TNIK: variants seen among roughly 807,000 people sequenced by gnomAD.
The protein encoded by TNIK is TRAF2 and NCK-interacting protein kinase.
A neutral mutation model predicts 191.3 loss-of-function variants in TNIK; 49 were observed. That is an observed-to-expected ratio of 0.26 (90% CI 0.20 to 0.32). The LOEUF (loss-of-function observed/expected upper bound fraction) is 0.32. TNIK is among the 10% of genes least tolerant of loss of function. The probability of loss-of-function intolerance (pLI) is 1.00; values close to 1 mark genes in which losing one functional copy is unlikely to be tolerated. For missense variants in TNIK, 1,155 were observed against 1,702.3 expected (o/e 0.68, Z 5.66); for synonymous variants, 594 against 600.9 (o/e 0.99, Z 0.17).
chr3:171,236,851 T>C (rs1744326879), intron 2 of TNIK, among the ~76,000 whole-genome samples: 2 of 152,150 alleles, frequency 1.3e-5, no homozygotes. Flanking sequence ...AGCCCGAAGC[T>C]GGCCCCTATT....
intron 2 of TNIK, among the ~76,000 whole-genome samples, chr3:171,322,799 A>G (rs1755299247): frequency 7.5e-6 from 1 of 133,016 alleles, no homozygotes; most frequent in South Asian, 2.4e-4. Flanking sequence ...CTTTGTTATT[A>G]GTGTTTTTTT....
chr3:171,423,129 G>A (rs1250140276), intron 1 of TNIK, among the ~76,000 whole-genome samples: 1 of 152,174 alleles, frequency 6.6e-6, no homozygotes, highest in Non-Finnish European at 1.5e-5. Context: ...AGCAACTTCA[G>A]CAAAGTCTCA....
chr3:171,429,624 A>G (rs893167586), intron 1 of TNIK, among the ~76,000 whole-genome samples: 10 of 152,178 alleles, frequency 6.6e-5, no homozygotes, highest in African/African-American at 2.2e-4. Flanking sequence ...AGCCTGTTCA[A>G]TCTTATTCCC....
At chr3:171,287,635 A>G (rs1751164183) in intron 2 of TNIK, among the ~76,000 whole-genome samples, 1 of 152,238 alleles carries the variant, frequency 6.6e-6, no homozygotes, top group Non-Finnish European at 1.5e-5. Context: ...GATTCCAAAC[A>G]AATCTAGTGC....
intron 2 of TNIK, among the ~76,000 whole-genome samples, chr3:171,353,602 A>G (rs1559964252): frequency 6.6e-6 from 1 of 152,302 alleles, no homozygotes; most frequent in East Asian, 1.9e-4. Flanking sequence ...AGCACATACT[A>G]AATCTATGAA....
At position 171,157,451 on chromosome 3, in the gene TNIK, G is replaced by A; in HGVS notation, c.1221+9C>T. 2 of 1,556,836 alleles carry A rather than the reference G, an allele frequency of 1.3e-6. No individual in the cohort carries two copies. The highest frequency in any genetic ancestry group is 1.7e-6 in the Non-Finnish European group (2 of 1,150,712). On this transcript the variant is annotated intron_variant, in intron 12 of 32. Transcript: ENST00000436636. Reference sequence around the variant, plus strand: ...CTTGGGGTCAGAGGTGGCCCGAGCAGGTCCTCACCTCCTCCAGCCGCCGCC... The same window carrying A: ...CTTGGGGTCAGAGGTGGCCCGAGCAAGTCCTCACCTCCTCCAGCCGCCGCC...
chr3:171,214,383 A>G (rs556109988), intron 3 of TNIK, among the ~76,000 whole-genome samples: 5 of 152,332 alleles, frequency 3.3e-5, no homozygotes, highest in African/African-American at 9.6e-5. Flanking sequence ...TTATAGCCCC[A>G]TGAATCATCA....
chr3:171,091,957 T>TC (rs201216626), intron 23 of TNIK, among the ~76,000 whole-genome samples: 1,784 of 146,948 alleles, frequency 0.012, 15 homozygotes, highest in Middle Eastern at 0.044. Flanking sequence ...TTTCTTTCTT[T>TC]TTTTTTTTTT....
chr3:171,131,667 T>C (rs1729314957), intron 15 of TNIK, among the ~76,000 whole-genome samples: 1 of 152,246 alleles, frequency 6.6e-6, no homozygotes, highest in Admixed American at 6.5e-5. Context: ...GGTGTAACGA[T>C]GAGGCATCTC....
At chr3:171,309,999 G>A (rs1753848309) in intron 2 of TNIK, among the ~76,000 whole-genome samples, 1 of 152,074 alleles carries the variant, frequency 6.6e-6, no homozygotes, top group Non-Finnish European at 1.5e-5. Flanking sequence ...CATCATCACA[G>A]CCACTCACTG....
chr3:171,188,846 G>C lies in TNIK; in HGVS notation c.509-14C>G. ...CTCCAAAGTCCACTATTTAAGAAAAGACAAGTAAATAAAGTCTGTGATCAT... is the reference window on the plus strand; with the variant it reads ...CTCCAAAGTCCACTATTTAAGAAAACACAAGTAAATAAAGTCTGTGATCAT... On this transcript the variant is annotated splice_polypyrimidine_tract_variant and intron_variant, in intron 6 of 32. Coordinates refer to ENST00000436636, the MANE Select transcript of TNIK (RefSeq NM_015028.4). 6.2e-7 allele frequency: 1 copy of C among 1,612,038 alleles called. No homozygotes were observed. Among genetic ancestry groups the C allele is most frequent in the Non-Finnish European group, 8.5e-7 (1 of 1,178,846 alleles).
intron 4 of TNIK, among the ~76,000 whole-genome samples, chr3:171,197,906 C>T (rs1738902596): frequency 6.6e-6 from 1 of 152,160 alleles, no homozygotes; most frequent in African/African-American, 2.4e-5. Context: ...AGCAATTCCA[C>T]TTCTAGAAGT....
intron 19 of TNIK, among the ~76,000 whole-genome samples, chr3:171,109,641 A>C (rs1013496494): frequency 2.0e-5 from 3 of 152,198 alleles, no homozygotes; most frequent in African/African-American, 7.2e-5. Flanking sequence ...AGACAGAGAA[A>C]CTTATAAGTA....
At chr3:171,080,671 T>C (rs941852456) in intron 27 of TNIK, among the ~76,000 whole-genome samples, 3 of 152,166 alleles carry the variant, frequency 2.0e-5, no homozygotes, top group Non-Finnish European at 4.4e-5. Context: ...ATTCCTGACC[T>C]CAAATGATCC....
intron 1 of TNIK, among the ~76,000 whole-genome samples, chr3:171,428,903 G>A (rs1724995123): frequency 6.6e-6 from 1 of 151,612 alleles, no homozygotes; most frequent in Admixed American, 6.6e-5. Flanking sequence ...TCTGTCCCTT[G>A]TCCCCCTGAA....
chr3:171,101,922 T>G, intron 21 of TNIK: 1 of 214,256 alleles, frequency 4.7e-6, no homozygotes, highest in Non-Finnish European at 9.1e-6. Context: ...TATACAAACA[T>G]TGGGTTCTCA....
At chr3:171,319,120 C>T (rs1046019677) in intron 2 of TNIK, among the ~76,000 whole-genome samples, 2 of 152,028 alleles carry the variant, frequency 1.3e-5, no homozygotes, top group Admixed American at 6.6e-5. Context: ...TCGAAGCTGC[C>T]GTGAGCTTTG....
chr3:171,065,114 C>G (rs1269995482), intron 32 of TNIK, among the ~76,000 whole-genome samples: 1 of 152,318 alleles, frequency 6.6e-6, no homozygotes, highest in East Asian at 1.9e-4. Context: ...TGGCTTGGAA[C>G]AGCCCTGCTG....
chr3:171,091,117 G>A (rs1721999506), intron 23 of TNIK, among the ~76,000 whole-genome samples: 1 of 152,098 alleles, frequency 6.6e-6, no homozygotes, highest in Non-Finnish European at 1.5e-5. Flanking sequence ...AGACCATGGG[G>A]TGCCTCGGTT....
Sources: gnomAD v4.1 joint callset for allele counts (sites outside exome capture counted in the v4.1 genomes callset) on GRCh38, gnomAD v4.1.1 for gene constraint, MANE v1.5 for transcripts, NCBI Gene and HGNC (gene_info 2026-07-23, HGNC 2026-07-21) for gene names.